PDE12: variants seen among roughly 807,000 people sequenced by gnomAD.
PDE12 encodes the protein phosphodiesterase 12.
A neutral mutation model predicts 45.4 loss-of-function variants in PDE12; 26 were observed. That is an observed-to-expected ratio of 0.57 (90% CI 0.42 to 0.79). The LOEUF (loss-of-function observed/expected upper bound fraction) is 0.79, where lower values mean the gene tolerates loss of function less well. PDE12 is among the 30% of genes least tolerant of loss of function. The pLI, the probability that PDE12 is intolerant of heterozygous loss-of-function variation, is 0.00. For missense variants in PDE12, 668 were observed against 790.0 expected, an observed-to-expected ratio of 0.85 and a Z score of 1.85; for synonymous variants, 283 against 323.9, an observed-to-expected ratio of 0.87 and a Z score of 1.36.
In PDE12 at chr3:57,560,323, GTTTT is replaced by G. The variant is rs1414163008; in HGVS notation, c.*321_*324del. On this transcript the variant is annotated 3_prime_UTR_variant, in exon 3 of 3. Transcript: ENST00000311180. ...GCGTGTTTTTTGTTTGTTTGTTTTT[GTTTT>G]TGTTTTTGTTTTTTTGAGATGGAGT... The G allele has an allele frequency of 9.4e-7, 1 of 1,069,174 alleles. No individual in the cohort carries two copies. The highest frequency in any genetic ancestry group is 1.1e-6 in the Non-Finnish European group (1 of 878,606). 66.2% of individuals were successfully genotyped at this position (1,069,174 alleles called of 1,614,324 possible). A position where few individuals can be genotyped will look rare whatever the true frequency, so the allele number is the denominator to read the frequency against.
intron 2 of PDE12, 81 bp downstream of exon 2, chr3:57,559,469 C>T (rs1343603098): frequency 3.2e-6 from 5 of 1,566,598 alleles, no homozygotes; most frequent in Non-Finnish European, 4.4e-6. Context: ...ATATCTTGAA[C>T]GTCACCCAGA....
the PDE12 span, among the ~76,000 whole-genome samples, chr3:57,575,112 A>C: frequency 6.7e-6 from 1 of 150,292 alleles, no homozygotes; most frequent in African/African-American, 2.4e-5. Flanking sequence ...GGCCTCCCAA[A>C]GTGTTGGGAT....
chr3:57,619,945 C>T, the PDE12 span, among the ~76,000 whole-genome samples: 8 of 150,640 alleles, frequency 5.3e-5, no homozygotes, highest in African/African-American at 2.0e-4. Context: ...AAATTGAGGC[C>T]GGGCATGGTG....
chr3:57,573,527 A>T, the PDE12 span, among the ~76,000 whole-genome samples: 3 of 152,186 alleles, frequency 2.0e-5, no homozygotes, highest in Non-Finnish European at 4.4e-5. Flanking sequence ...TCATACCTTC[A>T]CAGCATGGAA....
At chr3:57,652,676 A>G in the PDE12 span, among the ~76,000 whole-genome samples, 1 of 152,228 alleles carries the variant, frequency 6.6e-6, no homozygotes, top group Non-Finnish European at 1.5e-5. Context: ...AGAAGCTTGG[A>G]GGATACCACA....
the PDE12 span, among the ~76,000 whole-genome samples, chr3:57,640,161 T>C: frequency 2.0e-5 from 3 of 148,912 alleles, no homozygotes; most frequent in African/African-American, 7.5e-5. Context: ...CCCAGCTCCT[T>C]GGGAGGCTGA....
chr3:57,587,550 A>G, the PDE12 span, among the ~76,000 whole-genome samples: 3 of 152,032 alleles, frequency 2.0e-5, no homozygotes, highest in Non-Finnish European at 4.4e-5. Flanking sequence ...ATCATGTATT[A>G]CTTTTATGAA....
At chr3:57,588,371 C>A in the PDE12 span, among the ~76,000 whole-genome samples, 6 of 152,040 alleles carry the variant, frequency 3.9e-5, no homozygotes. Context: ...TTGAAACCAG[C>A]CTGGTCAACA....
At chr3:57,581,599 G>A in the PDE12 span, among the ~76,000 whole-genome samples, 8 of 152,110 alleles carry the variant, frequency 5.3e-5, no homozygotes, top group East Asian at 1.9e-4. Flanking sequence ...TCAGGAGATC[G>A]AGACCAGCCT....
the PDE12 span, chr3:57,630,315 TA>T: frequency 1.0e-6 from 1 of 1,002,222 alleles, no homozygotes; most frequent in Non-Finnish European, 1.4e-6. Context: ...TAGTCATCAT[TA>T]CTATTTATAA....
the PDE12 span, among the ~76,000 whole-genome samples, chr3:57,611,555 C>A: frequency 6.6e-6 from 1 of 152,016 alleles, no homozygotes; most frequent in South Asian, 2.1e-4. Flanking sequence ...ACAAACAACC[C>A]CATCAAAAAG....
chr3:57,628,333 G>A, the PDE12 span: 1 of 1,613,766 alleles, frequency 6.2e-7, no homozygotes, highest in Non-Finnish European at 8.5e-7. Flanking sequence ...AAGTGCTCTC[G>A]ATCAGCCTGC....
the PDE12 span, among the ~76,000 whole-genome samples, chr3:57,601,936 G>A: frequency 6.8e-6 from 1 of 148,014 alleles, no homozygotes; most frequent in Non-Finnish European, 1.5e-5. Flanking sequence ...TGTATTTTTA[G>A]TAGAGATGGG....
At chr3:57,631,143 G>C in the PDE12 span, 1 of 595,562 alleles carries the variant, frequency 1.7e-6, no homozygotes, top group Non-Finnish European at 3.0e-6. Flanking sequence ...AGACTGACTT[G>C]GGAAGTCAGA....
At chr3:57,574,153 T>C in the PDE12 span, among the ~76,000 whole-genome samples, 1 of 151,654 alleles carries the variant, frequency 6.6e-6, no homozygotes, top group Non-Finnish European at 1.5e-5. Flanking sequence ...CTTGGCCATG[T>C]TGGTCTTGAA....
chr3:57,654,139 T>C, the PDE12 span, among the ~76,000 whole-genome samples: 1 of 150,594 alleles, frequency 6.6e-6, no homozygotes, highest in East Asian at 2.0e-4. Context: ...GTATTTTTAG[T>C]AGAGACGGGG....
the PDE12 span, among the ~76,000 whole-genome samples, chr3:57,584,815 G>A: frequency 6.7e-6 from 1 of 149,812 alleles, no homozygotes; most frequent in African/African-American, 2.4e-5. Flanking sequence ...GATCATCTAA[G>A]ATCTCTTCCA....
In PDE12 at chr3:57,556,296, C is replaced by A; in HGVS notation, c.-84C>A. The A allele has an allele frequency of 7.2e-7, 1 of 1,384,014 alleles. No individual in the cohort carries two copies. The highest frequency in any genetic ancestry group is 9.6e-7 in the Non-Finnish European group (1 of 1,042,234). The allele number at this position is 1,384,014 out of a possible 1,614,324, so 85.7% of individuals were successfully genotyped here. A position where few individuals can be genotyped will look rare whatever the true frequency, so the allele number is the denominator to read the frequency against. On this transcript the variant is annotated 5_prime_UTR_variant, in exon 1 of 3. Coordinates refer to ENST00000311180, the MANE Select transcript of PDE12 (RefSeq NM_177966.7). The surrounding 1 kb of genome is among the most constrained non-coding windows in gnomAD (Gnocchi z 5.0). ...GTCGCGAGATCTGAATGAGTCAAAG[C>A]CGGCGGCCTCGGCTCCTCAGCTCCA... is the stretch of plus-strand genomic sequence containing the variant.
At chr3:57,606,465 C>T in the PDE12 span, among the ~76,000 whole-genome samples, 1 of 152,142 alleles carries the variant, frequency 6.6e-6, no homozygotes, top group Non-Finnish European at 1.5e-5. Context: ...TAAACCTATA[C>T]TACCAGAAAT....
Sources: allele counts gnomAD v4.1 joint callset (sites outside exome capture counted in the v4.1 genomes callset), GRCh38; gene constraint gnomAD v4.1.1; non-coding constraint Gnocchi (gnomAD v3.1); transcripts MANE v1.5; gene names NCBI Gene and HGNC (gene_info 2026-07-23, HGNC 2026-07-21).